MYO15A: variants seen among roughly 807,000 people sequenced by gnomAD.
MYO15A encodes myosin XVA, also known as unconventional myosin-XV.
A neutral mutation model predicts 394.6 loss-of-function variants in MYO15A; 308 were observed. That is an observed-to-expected ratio of 0.78 (90% CI 0.71 to 0.86). The LOEUF (loss-of-function observed/expected upper bound fraction) is 0.86. MYO15A is among the 40% of genes least tolerant of loss of function. MYO15A has a pLI of 0.00. For synonymous variants in MYO15A, 1,957 were observed against 2,003.8 expected (o/e 0.98, Z 0.62); for missense variants, 4,606 against 4,799.1 (o/e 0.96, Z 1.19).
chr17:18,142,323 T>C (rs749156461), intron 24 of MYO15A, 69 bp downstream of exon 24: 56 of 1,542,504 alleles, frequency 3.6e-5, no homozygotes, highest in Non-Finnish European at 4.6e-5. Context: ...ACGCCTGAAC[T>C]TAGGTGGTGA....
chr17:18,161,637 TA>T (rs2046779387), intron 57 of MYO15A, among the ~76,000 whole-genome samples, 190 bp downstream of exon 57: 1 of 152,182 alleles, frequency 6.6e-6, no homozygotes, highest in South Asian at 2.1e-4. Context: ...TTGTCTGATC[TA>T]ATGGAGGGGG....
intron 62 of MYO15A, 26 bp downstream of exon 62, chr17:18,167,749 C>A: frequency 6.2e-7 from 1 of 1,601,108 alleles, no homozygotes; most frequent in Non-Finnish European, 8.5e-7. Flanking sequence ...CCTGCCTCAG[C>A]TGGGGTGGAC....
At position 18,150,946 on chromosome 17, in the gene MYO15A, C is replaced by T. The variant is rs1416098966; in HGVS notation, c.7473+33C>T. The stretch of plus-strand genomic sequence containing the variant: ...TGGCCTGCCCAGGGTGCAGGGGTTG[C>T]TTGGAGACACAAGCTGTAAAGAGGA... On this transcript the variant is annotated intron_variant, in intron 38 of 65. Transcript: ENST00000647165. The surrounding 1 kb of genome is among the most constrained non-coding windows in gnomAD (Gnocchi z 4.4). The T allele has an allele frequency of 1.2e-6, 2 of 1,609,942 alleles. No individual in the cohort carries two copies. Among genetic ancestry groups the T allele is most frequent in the Middle Eastern group, 1.7e-4 (1 of 5,792 alleles).
chr17:18,141,280 TGC>T, intron 22 of MYO15A, 137 bp downstream of exon 22: 2 of 1,288,244 alleles, frequency 1.6e-6, no homozygotes, highest in Non-Finnish European at 2.2e-6. Flanking sequence ...GGCTACCACA[TGC>T]TAACTGTTAA....
intron 62 of MYO15A, among the ~76,000 whole-genome samples, chr17:18,169,115 AAATAATAATAATAATAATAAT>A (rs368379543): frequency 7.8e-6 from 1 of 128,512 alleles, no homozygotes; most frequent in Non-Finnish European, 1.6e-5. Flanking sequence ...CTCCATCTCA[AAATAATAATAATAATAATAAT>A]AATAATAATA....
In MYO15A at chr17:18,135,761, C is replaced by G. The variant is rs114328138; in HGVS notation, c.4533C>G (p.Ala1511=). ...ASVVSAREIQ[A]VAELLQISPE... ...TGGTGAGTGCCCGAGAGATCCAGGC[C>G]GTGGCAGAGCTGCTGCAGATCTCCC... Residue 1511 remains alanine, a synonymous_variant, in exon 13 of 66, where the codon GCC becomes GCG. Coordinates refer to ENST00000647165, the MANE Select transcript of MYO15A (RefSeq NM_016239.4). 2.5e-6 allele frequency: 4 copies of G among 1,614,136 alleles called. No homozygotes were observed. Among genetic ancestry groups the G allele is most frequent in the Non-Finnish European group, 3.4e-6 (4 of 1,180,018 alleles).
rs1006105258 is a variant in MYO15A, at chr17:18,173,704, T to G, written c.10351-77T>G. The G allele has an allele frequency of 7.5e-6, 12 of 1,598,906 alleles. No individual in the cohort carries two copies. In the African/African-American group the frequency reaches 1.6e-4, roughly 21 times the overall value. Reference sequence around the variant, plus strand: ...AGTCTCCTGCCTCCTACAGATCTGATTTGCAGGGCAGGGGTAAGAGTGGTT... The same window carrying G: ...AGTCTCCTGCCTCCTACAGATCTGAGTTGCAGGGCAGGGGTAAGAGTGGTT... On this transcript the variant is annotated intron_variant, in intron 64 of 65. Transcript: ENST00000647165.
At position 18,117,800 on chromosome 17, in the gene MYO15A, T is replaced by C. The variant is rs2045811972; in HGVS notation, c.-219-782T>C. Among the ~76,000 whole-genome samples the C allele has an allele frequency of 6.6e-6, 1 of 152,002 alleles. No homozygotes were observed. Among genetic ancestry groups the C allele is most frequent in the African/African-American group, 2.4e-5 (1 of 41,362 alleles). ...CAGCCTACTCAGCCAGGGCAGAAAG[T>C]AAGAGGAGAGGACAGGGCTAGGCAG... On this transcript the variant is annotated intron_variant, in intron 1 of 65. Coordinates refer to ENST00000647165, the MANE Select transcript of MYO15A (RefSeq NM_016239.4). This position sits in a 1 kb window ranked among gnomAD's most constrained non-coding sequence, Gnocchi z 4.1.
intron 1 of MYO15A, among the ~76,000 whole-genome samples, chr17:18,114,267 T>TTTTTTTGG (rs879237595): frequency 3.8e-5 from 4 of 105,022 alleles, no homozygotes; most frequent in South Asian, 4.3e-4. Flanking sequence ...TTTTTTTTTT[T>TTTTTTTGG]GAGACGGAGT....
chr17:18,173,719 T>C lies in MYO15A; in HGVS notation c.10351-62T>C, dbSNP rs750271978. On this transcript the variant is annotated intron_variant, in intron 64 of 65. Coordinates refer to ENST00000647165, the MANE Select transcript of MYO15A (RefSeq NM_016239.4). Reference sequence around the variant, plus strand: ...ACAGATCTGATTTGCAGGGCAGGGGTAAGAGTGGTTGAGACTATCCTCGCC... The same window carrying C: ...ACAGATCTGATTTGCAGGGCAGGGGCAAGAGTGGTTGAGACTATCCTCGCC... The C allele has an allele frequency of 5.0e-5, 80 of 1,608,748 alleles. 1 individual carries two copies. The Middle Eastern group carries it at 8.2e-4, about 17-fold the overall frequency.
chr17:18,154,193 G>A lies in MYO15A; in HGVS notation c.8148+3G>A, dbSNP rs560689212. Reference sequence around the variant, plus strand: ...AGCTTGACCTCCTGTTCCGGCAGGTGAGGTCCTGTCTCCCCTTTCTGCCTC... The same window carrying A: ...AGCTTGACCTCCTGTTCCGGCAGGTAAGGTCCTGTCTCCCCTTTCTGCCTC... On this transcript the variant is annotated splice_donor_region_variant and intron_variant, in intron 44 of 65. Coordinates refer to ENST00000647165, the MANE Select transcript of MYO15A (RefSeq NM_016239.4). 2 of 1,613,976 alleles carry A rather than the reference G, an allele frequency of 1.2e-6. No homozygotes were observed. Among genetic ancestry groups the A allele is most frequent in the East Asian group, 2.2e-5 (1 of 44,890 alleles).
chr17:18,154,086 C>T (rs2046632805), intron 43 of MYO15A, 45 bp from the exon 44 acceptor site: 2 of 1,611,500 alleles, frequency 1.2e-6, no homozygotes, highest in African/African-American at 2.7e-5. Context: ...TGAAGCAAGG[C>T]CAGGGGGCAG....
Position 18,163,307 on chromosome 17 carries a change from A to C in MYO15A, c.9676A>C (p.Ile3226Leu). 1 of 1,614,122 alleles carries C rather than the reference A, an allele frequency of 6.2e-7. No individual in the cohort carries two copies. The highest frequency in any genetic ancestry group is 8.5e-7 in the Non-Finnish European group (1 of 1,179,990). The change falls in exon 59 of 66, where the codon ATC (isoleucine) becomes CTC (leucine). Residue 3226 changes from isoleucine to leucine, a missense_variant. Ile to Leu is a conservative substitution (Grantham distance 5). This residue lies in a region of MYO15A where 2,776 missense variants were observed against 3,109.3 expected (regional missense o/e 0.89). Coordinates refer to ENST00000647165, the MANE Select transcript of MYO15A (RefSeq NM_016239.4). The part of the protein sequence containing the change: ...LPGGLERHLK[I>L]KTCTVALDVV... ...TGGAGGCCTTGAACGCCATCTCAAAATCAAAACATGCACTGTAAGTGAAGA... is the reference window on the plus strand; with the variant it reads ...TGGAGGCCTTGAACGCCATCTCAAACTCAAAACATGCACTGTAAGTGAAGA...
intron 63 of MYO15A, among the ~76,000 whole-genome samples, 190 bp downstream of exon 63, chr17:18,171,961 G>C (rs2046948202): frequency 6.6e-6 from 1 of 152,166 alleles, no homozygotes. Context: ...AGTGGCCCTG[G>C]GCAGAGGAAG....
chr17:18,124,334 T>C (rs1230255815), intron 2 of MYO15A, 149 bp from the exon 3 acceptor site: 1 of 752,416 alleles, frequency 1.3e-6, no homozygotes, highest in Non-Finnish European at 2.3e-6. Flanking sequence ...GGCCACAGCA[T>C]TCTGTAATGA....
chr17:18,144,299 A>G (rs2046437148), intron 28 of MYO15A, among the ~76,000 whole-genome samples, 198 bp from the exon 29 acceptor site: 1 of 152,080 alleles, frequency 6.6e-6, no homozygotes, highest in South Asian at 2.1e-4. Flanking sequence ...CTTGAGATGA[A>G]GGTTTATCCT....
At chr17:18,159,534 C>T in intron 54 of MYO15A, 72 bp from the exon 55 acceptor site, 1 of 1,574,614 alleles carries the variant, frequency 6.4e-7, no homozygotes, top group Non-Finnish European at 8.7e-7. Context: ...AGGGGCTCAG[C>T]CCTGGGGCTT....
intron 25 of MYO15A, 80 bp from the exon 26 acceptor site, chr17:18,143,486 C>T (rs577837826): frequency 6.0e-6 from 9 of 1,506,732 alleles, no homozygotes; most frequent in East Asian, 2.5e-5. Flanking sequence ...GGCCGCCTTG[C>T]GTAAGCTGGC....
At chr17:18,152,285 T>G in intron 42 of MYO15A, 101 bp downstream of exon 42, 1 of 1,146,892 alleles carries the variant, frequency 8.7e-7, no homozygotes. Flanking sequence ...TCTATGTCCC[T>G]GAGCCCCTGT....
Sources: gnomAD v4.1 joint callset for allele counts (sites outside exome capture counted in the v4.1 genomes callset) on GRCh38, gnomAD v4.1.1 for gene constraint, gnomAD v4.1.1 regional missense constraint, Gnocchi (gnomAD v3.1) non-coding constraint, MANE v1.5 for transcripts, NCBI Gene and HGNC (gene_info 2026-07-23, HGNC 2026-07-21) for gene names.